DCAF1: variants seen among roughly 807,000 people sequenced by gnomAD.
DCAF1 encodes the protein DDB1- and CUL4-associated factor 1.
In DCAF1, 15 loss-of-function variants were observed where a neutral mutation model predicts 128.0. That is an observed-to-expected ratio of 0.12 (90% CI 0.08 to 0.18). DCAF1 has a LOEUF of 0.18. Among genes scored for constraint, DCAF1 ranks in the 10% least tolerant of loss-of-function variants. The pLI is 1.00. For synonymous variants in DCAF1, 610 were observed against 603.0 expected (o/e 1.01, Z -0.17); for missense variants, 988 against 1,649.5 (o/e 0.60, Z 6.95).
At chr3:51,489,435 A>T (rs1440163835) in intron 2 of DCAF1, among the ~76,000 whole-genome samples, 1 of 152,026 alleles carries the variant, frequency 6.6e-6, no homozygotes, top group Non-Finnish European at 1.5e-5. Flanking sequence ...ACTCTGTCTC[A>T]AAAAACAAAA....
At chr3:51,407,984 C>CAA (rs59224025) in intron 23 of DCAF1, among the ~76,000 whole-genome samples, 1,121 of 52,506 alleles carry the variant, frequency 0.021, 258 homozygotes, top group African/African-American at 0.064. Flanking sequence ...GACTCCATCT[C>CAA]AAAAAAAAAA....
At chr3:51,478,784 T>C (rs1184350408) in intron 3 of DCAF1, among the ~76,000 whole-genome samples, 1 of 152,154 alleles carries the variant, frequency 6.6e-6, no homozygotes, top group Non-Finnish European at 1.5e-5. Context: ...CCACTACATC[T>C]GGCCTAACTT....
At chr3:51,413,467 A>G (rs1698613176) in intron 20 of DCAF1, 81 bp from the exon 21 acceptor site, 4 of 1,522,866 alleles carry the variant, frequency 2.6e-6, no homozygotes, top group Non-Finnish European at 3.5e-6. Flanking sequence ...GTTAATGGCC[A>G]ATCAAAACAA....
At chr3:51,429,554 T>C in intron 11 of DCAF1, 84 bp from the exon 12 acceptor site, 1 of 715,240 alleles carries the variant, frequency 1.4e-6, no homozygotes, top group East Asian at 2.6e-5. Flanking sequence ...GGAAAATATT[T>C]TAGTAAACTT....
chr3:51,410,662 T>C (rs147934494), intron 23 of DCAF1, among the ~76,000 whole-genome samples: 11 of 152,346 alleles, frequency 7.2e-5, no homozygotes, highest in Non-Finnish European at 1.5e-4. Flanking sequence ...TAAAGAATTA[T>C]TTTAAATGTA....
chr3:51,468,240 T>G (rs1248594427), intron 4 of DCAF1, among the ~76,000 whole-genome samples: 1 of 152,186 alleles, frequency 6.6e-6, no homozygotes, highest in African/African-American at 2.4e-5. Context: ...GGCTCAATCT[T>G]GGCTCACTGC....
chr3:51,444,359 T>C (rs1701640430), intron 6 of DCAF1, among the ~76,000 whole-genome samples: 4 of 150,950 alleles, frequency 2.6e-5, no homozygotes, highest in Admixed American at 6.6e-5. Context: ...AACCTTCTTT[T>C]TAAAAAAAAA....
At chr3:51,476,572 C>CAA (rs11359977) in intron 3 of DCAF1, among the ~76,000 whole-genome samples, 1,231 of 49,622 alleles carry the variant, frequency 0.025, 37 homozygotes, top group African/African-American at 0.091. Context: ...AATTATATCT[C>CAA]AAAAAAAAAA....
chr3:51,476,572 CAAAAA>C (rs11359977), intron 3 of DCAF1, among the ~76,000 whole-genome samples: 1 of 49,636 alleles, frequency 2.0e-5, no homozygotes, highest in African/African-American at 8.6e-5. Flanking sequence ...AATTATATCT[CAAAAA>C]AAAAAAAAAA....
intron 2 of DCAF1, among the ~76,000 whole-genome samples, chr3:51,484,682 CTT>C (rs1228009412): frequency 9.4e-5 from 12 of 127,056 alleles, no homozygotes; most frequent in Non-Finnish European, 6.6e-5. Flanking sequence ...TTAATTTTTT[CTT>C]TTTTTTTTTT....
chr3:51,483,988 C>T, intron 2 of DCAF1, 152 bp from the exon 3 acceptor site: 1 of 613,746 alleles, frequency 1.6e-6, no homozygotes, highest in Non-Finnish European at 2.9e-6. Flanking sequence ...ATTTGTGGTA[C>T]AGCAGAAAAC....
At position 51,420,276 on chromosome 3, in the gene DCAF1, A is replaced by G. The variant is rs1211062971; in HGVS notation, c.2694T>C (p.Ser898=). 6.2e-6 allele frequency: 10 copies of G among 1,613,932 alleles called. No individual in the cohort carries two copies. Among genetic ancestry groups the G allele is most frequent in the Non-Finnish European group, 8.5e-6 (10 of 1,179,906 alleles). ...TPVTAAASPV[S]LPRTPRIANG... Reference sequence around the variant, plus strand: ...TAGCGATACGAGGGGTTCGGGGTAGAGAGACAGGAGAAGCAGCAGCAGTGA... The same window carrying G: ...TAGCGATACGAGGGGTTCGGGGTAGGGAGACAGGAGAAGCAGCAGCAGTGA... Residue 898 remains serine (S), a synonymous_variant, in exon 15 of 25, where the codon TCT becomes TCC. Coordinates refer to ENST00000684031, the MANE Select transcript of DCAF1 (RefSeq NM_001387579.1). The surrounding 1 kb of genome is among the most constrained non-coding windows in gnomAD (Gnocchi z 6.5).
chr3:51,421,005 GA>G lies in DCAF1; in HGVS notation c.1973-9del, dbSNP rs782204644. 1.3e-5 allele frequency: 21 copies of G among 1,589,516 alleles called. No individual in the cohort carries two copies. Among genetic ancestry groups the G allele is most frequent in the Admixed American group, 3.6e-5 (2 of 55,608 alleles). ...CCAAAATAATGCTGATACCTAATGG[GA>G]AAAAAAATTATGTATTATTCACCAT... On this transcript the variant is annotated splice_polypyrimidine_tract_variant and intron_variant, in intron 14 of 24. Coordinates refer to ENST00000684031, the MANE Select transcript of DCAF1 (RefSeq NM_001387579.1).
chr3:51,403,478 A>G, intron 23 of DCAF1, 83 bp from the exon 24 acceptor site: 1 of 1,511,750 alleles, frequency 6.6e-7, no homozygotes, highest in Non-Finnish European at 8.9e-7. Flanking sequence ...CCAAAGAGAC[A>G]GGGTAGGAAA....
chr3:51,416,266 T>C (rs1310964944), intron 18 of DCAF1, among the ~76,000 whole-genome samples: 1 of 152,130 alleles, frequency 6.6e-6, no homozygotes, highest in Non-Finnish European at 1.5e-5. Flanking sequence ...AAGCAAGGGC[T>C]TTTCCCTTGC....
At chr3:51,456,866 G>C (rs1702977151) in intron 6 of DCAF1, among the ~76,000 whole-genome samples, 1 of 152,094 alleles carries the variant, frequency 6.6e-6, no homozygotes, top group Non-Finnish European at 1.5e-5. Flanking sequence ...TCTGTTAGAA[G>C]GAAAACTAAC....
chr3:51,481,396 C>A (rs1230392192), intron 3 of DCAF1, among the ~76,000 whole-genome samples: 4 of 152,116 alleles, frequency 2.6e-5, no homozygotes, highest in Non-Finnish European at 5.9e-5. Flanking sequence ...AAGACATGAG[C>A]AATACCTAAT....
rs994269922 is a variant in DCAF1 at position 51,432,863 on chromosome 3, C to A, written c.1287+243G>T. Among the ~76,000 whole-genome samples, 595 of 152,268 alleles carry A rather than the reference C, an allele frequency of 3.9e-3. 21 individuals are homozygous for A. The highest frequency in any genetic ancestry group is 0.034 in the Admixed American group (520 of 15,288). The stretch of plus-strand genomic sequence containing the variant: ...GAAATGGCAAAAACTAAATAAAGCT[C>A]CCAGACTCCAATCCACCCAGCATTT... On this transcript the variant is annotated intron_variant, in intron 10 of 24. Transcript: ENST00000684031.
At position 51,414,795 on chromosome 3, in the gene DCAF1, G is replaced by C. The variant is rs1553629728; in HGVS notation, c.3666C>G (p.Asn1222Lys). 1.2e-6 allele frequency: 2 copies of C among 1,614,036 alleles called. No individual in the cohort carries two copies. Among genetic ancestry groups the C allele is most frequent in the Non-Finnish European group, 1.7e-6 (2 of 1,179,900 alleles). The change falls in exon 19 of 25, where the codon AAC (asparagine) becomes AAG (lysine). Residue 1222 changes from asparagine (N) to lysine (K), a missense_variant. By Grantham distance (94) the Asn-to-Lys change is moderately conservative (BLOSUM62 0). Around this residue, in one of 11 missense-constraint regions of DCAF1, gnomAD observed 61 missense variants for 78.3 expected, o/e 0.78. Coordinates refer to ENST00000684031, the MANE Select transcript of DCAF1 (RefSeq NM_001387579.1). ...TAAAGGTGGCACAGTTCCTCTTGTAGTTGTTGGCAAGATCTGGGTTAAACA... is the reference window on the plus strand; with the variant it reads ...TAAAGGTGGCACAGTTCCTCTTGTACTTGTTGGCAAGATCTGGGTTAAACA... ...LTLFNPDLAN[N>K]YKRNCATFNP...
Sources: gnomAD v4.1 joint callset for allele counts (sites outside exome capture counted in the v4.1 genomes callset) on GRCh38, gnomAD v4.1.1 for gene constraint, gnomAD v4.1.1 regional missense constraint, Gnocchi (gnomAD v3.1) non-coding constraint, MANE v1.5 for transcripts, NCBI Gene and HGNC (gene_info 2026-07-23, HGNC 2026-07-21) for gene names.